The following RFX3 variants were observed in gnomAD, a reference collection of about 807,000 sequenced individuals.
RFX3 encodes the protein regulatory factor X3, also known as transcription factor RFX3.
In RFX3, 14 loss-of-function variants were observed where a neutral mutation model predicts 98.6. That is an observed-to-expected ratio of 0.14 (90% CI 0.09 to 0.22). The LOEUF (loss-of-function observed/expected upper bound fraction) is 0.22. Ranked by LOEUF, RFX3 falls within the 10% of genes least tolerant of loss-of-function variation. The probability of loss-of-function intolerance (pLI) is 1.00; values close to 1 mark genes in which losing one functional copy is unlikely to be tolerated. For synonymous variants in RFX3, 383 were observed against 328.4 expected (o/e 1.17, Z -1.80); for missense variants, 639 against 926.9 (o/e 0.69, Z 4.03).
chr9:3,358,934 G>C lies in RFX3; in HGVS notation c.118-12170C>G, dbSNP rs567679917. Among the ~76,000 whole-genome samples the C allele has an allele frequency of 7.2e-5, 11 of 151,924 alleles. 2 individuals are homozygous for C. In the South Asian group the frequency reaches 2.3e-3, roughly 32 times the overall value. On this transcript the variant is annotated intron_variant, in intron 2 of 16. Transcript: ENST00000617270. ...ACTCACTAACATGGGAACAGCATGG[G>C]GGAAACTGCTCCCATGATTCAATTA...
intron 1 of RFX3, among the ~76,000 whole-genome samples, chr9:3,420,233 C>A (rs919578311): frequency 2.0e-5 from 3 of 152,240 alleles, no homozygotes; most frequent in African/African-American, 7.2e-5. Flanking sequence ...GGAGAATGAT[C>A]AAGGCCAGGA....
chr9:3,508,346 G>C (rs1386680114), intron 1 of RFX3, among the ~76,000 whole-genome samples: 1 of 151,732 alleles, frequency 6.6e-6, no homozygotes, highest in African/African-American at 2.4e-5. Context: ...TTCAATATTT[G>C]TATTTTCCAT....
chr9:3,502,849 G>T (rs986608609), intron 1 of RFX3, among the ~76,000 whole-genome samples: 3 of 152,068 alleles, frequency 2.0e-5, no homozygotes, highest in African/African-American at 7.2e-5. Context: ...AAGATAGGTG[G>T]GGAATAAATG....
intron 2 of RFX3, among the ~76,000 whole-genome samples, chr9:3,385,674 C>T (rs1839633595): frequency 6.9e-6 from 1 of 144,584 alleles, no homozygotes; most frequent in Non-Finnish European, 1.5e-5. Context: ...CACCATTGCA[C>T]TCCAGCCTGT....
intron 15 of RFX3, among the ~76,000 whole-genome samples, chr9:3,242,835 G>A (rs900268906): frequency 4.6e-5 from 7 of 151,700 alleles, no homozygotes; most frequent in African/African-American, 1.7e-4. Flanking sequence ...ATTGATATTC[G>A]CAATTGAACA....
chr9:3,239,800 G>A (rs927983903), intron 15 of RFX3, among the ~76,000 whole-genome samples: 1 of 152,194 alleles, frequency 6.6e-6, no homozygotes, highest in African/African-American at 2.4e-5. Flanking sequence ...AGTCCACAGA[G>A]CCAGCTGGAT....
intron 4 of RFX3, among the ~76,000 whole-genome samples, chr9:3,328,274 A>T (rs1297056911): frequency 2.0e-5 from 3 of 152,094 alleles, no homozygotes; most frequent in Non-Finnish European, 4.4e-5. Context: ...TACTGCCACC[A>T]TTTTCTATCT....
intron 5 of RFX3, among the ~76,000 whole-genome samples, chr9:3,297,875 TAAC>T (rs1434074328): frequency 6.6e-6 from 1 of 151,846 alleles, no homozygotes; most frequent in Non-Finnish European, 1.5e-5. Flanking sequence ...TGGGAACAAT[TAAC>T]AACATTTCTG....
chr9:3,393,792 T>A (rs575901883), intron 2 of RFX3, among the ~76,000 whole-genome samples: 4 of 152,070 alleles, frequency 2.6e-5, no homozygotes, highest in Non-Finnish European at 4.4e-5. Flanking sequence ...CACATGAACA[T>A]AAAGATGACA....
chr9:3,343,528 G>A (rs1000396361), intron 3 of RFX3, among the ~76,000 whole-genome samples: 1 of 152,200 alleles, frequency 6.6e-6, no homozygotes, highest in African/African-American at 2.4e-5. Flanking sequence ...AATTATAATA[G>A]TCAAATGTCA....
At chr9:3,444,908 G>A (rs754222865) in intron 1 of RFX3, among the ~76,000 whole-genome samples, 1 of 152,194 alleles carries the variant, frequency 6.6e-6, no homozygotes, top group Non-Finnish European at 1.5e-5. Context: ...AAACTCAAAT[G>A]ATCACTTTGT....
chr9:3,259,837 C>T (rs972761489), intron 13 of RFX3, among the ~76,000 whole-genome samples: 11 of 152,032 alleles, frequency 7.2e-5, no homozygotes, highest in African/African-American at 2.7e-4. Context: ...CTTTTTAGCA[C>T]TTTCAAGCTC....
intron 1 of RFX3, among the ~76,000 whole-genome samples, chr9:3,397,084 G>A (rs1054387570): frequency 3.3e-5 from 5 of 152,178 alleles, no homozygotes; most frequent in African/African-American, 1.2e-4. Flanking sequence ...ATGTAAATGA[G>A]ATTTGTAAAC....
At chr9:3,520,787 A>T (rs1378086753) in intron 1 of RFX3, among the ~76,000 whole-genome samples, 1 of 151,998 alleles carries the variant, frequency 6.6e-6, no homozygotes, top group African/African-American at 2.4e-5. Context: ...AAATTCTCTC[A>T]CCTCAGTCTC....
intron 1 of RFX3, among the ~76,000 whole-genome samples, chr9:3,492,101 T>C (rs1412660589): frequency 1.3e-5 from 2 of 152,206 alleles, no homozygotes; most frequent in Non-Finnish European, 2.9e-5. Context: ...CAGTACTAGA[T>C]GCTTGGCAAT....
At chr9:3,356,218 A>G (rs376465198) in intron 2 of RFX3, among the ~76,000 whole-genome samples, 49 of 151,670 alleles carry the variant, frequency 3.2e-4, no homozygotes, top group African/African-American at 1.2e-3. Context: ...AGAAGTTAAT[A>G]AAAGAAATAA....
chr9:3,481,728 G>C (rs1849782428), intron 1 of RFX3, among the ~76,000 whole-genome samples: 1 of 151,860 alleles, frequency 6.6e-6, no homozygotes, highest in African/African-American at 2.4e-5. Flanking sequence ...CTGCCCAGCA[G>C]AAAAACAGAT....
intron 1 of RFX3, among the ~76,000 whole-genome samples, chr9:3,455,760 AT>A (rs1489098597): frequency 6.6e-6 from 1 of 152,222 alleles, no homozygotes; most frequent in Non-Finnish European, 1.5e-5. Context: ...TCTTCAAAAT[AT>A]TTTTTATAAT....
chr9:3,377,011 T>A (rs1382501365), intron 2 of RFX3, among the ~76,000 whole-genome samples: 1 of 152,178 alleles, frequency 6.6e-6, no homozygotes, highest in Non-Finnish European at 1.5e-5. Context: ...GTAAGCTAGT[T>A]CAACCATTGT....
Sources: gnomAD v4.1 joint callset for allele counts (sites outside exome capture counted in the v4.1 genomes callset) on GRCh38, gnomAD v4.1.1 for gene constraint, MANE v1.5 for transcripts, NCBI Gene and HGNC (gene_info 2026-07-23, HGNC 2026-07-21) for gene names.